NRK: variants seen among roughly 807,000 people sequenced by gnomAD.
The protein encoded by NRK is nik-related protein kinase.
A neutral mutation model predicts 125.2 loss-of-function variants in NRK; 67 were observed. The observed-to-expected ratio is 0.54, with a 90% CI of 0.44 to 0.66. NRK has a LOEUF of 0.66. Ranked by LOEUF, NRK falls within the 30% of genes least tolerant of loss-of-function variation. NRK has a pLI of 0.00. For synonymous variants in NRK, 458 were observed against 429.0 expected (o/e 1.07, Z -0.84); for missense variants, 1,224 against 1,192.9 (o/e 1.03, Z -0.38).
At position 105,942,036 on chromosome X, in the gene NRK, ATATAT is replaced by A. The variant is rs1333569513; in HGVS notation, c.3959-1901_3959-1897del. Among the ~76,000 whole-genome samples, 4 of 111,714 alleles carry A rather than the reference ATATAT, an allele frequency of 3.6e-5. No individual in the cohort carries two copies. The Admixed American group carries it at 3.8e-4, about 11-fold the overall frequency. ...CTGGACTATTACTATAAATGGAACC[ATATAT>A]TATGTTGTGTTTTATGACGGACTTT... On this transcript the variant is annotated intron_variant, in intron 23 of 28. Transcript: ENST00000243300.
Position 105,909,811 on chromosome X carries a change from A to G in NRK, c.2170A>G (p.Arg724Gly), listed in dbSNP as rs777950325. 6 of 1,181,971 alleles carry G rather than the reference A, an allele frequency of 5.1e-6. No individual in the cohort carries two copies. The highest frequency in any genetic ancestry group is 2.4e-5 in the Admixed American group (1 of 41,989). The change falls in exon 13 of 29, where the codon AGG becomes GGG. Residue 724 changes from arginine (R) to glycine (G), a missense_variant. By Grantham distance (125) the Arg-to-Gly change is moderately radical. Transcript: ENST00000243300. ...TGAACTCTCGGATTTAGAAGCCCGC[A>G]GGCAAAGGCGCCAACGCAGATGGGA... is the stretch of plus-strand genomic sequence containing the variant. ...KLELSDLEARRQRRQRRWEDI... is the reference protein window; with the variant it reads ...KLELSDLEARGQRRQRRWEDI...
chrX:105,880,775 A>G (rs1948969313), intron 3 of NRK, among the ~76,000 whole-genome samples: 1 of 111,888 alleles, frequency 8.9e-6, no homozygotes, highest in South Asian at 3.6e-4. Flanking sequence ...GTTCCTGGTA[A>G]CATTCATAAA....
intron 9 of NRK, among the ~76,000 whole-genome samples, chrX:105,904,628 G>T (rs924763225): frequency 9.0e-6 from 1 of 111,701 alleles, no homozygotes; most frequent in African/African-American, 3.2e-5. Flanking sequence ...TCTTTGAAGG[G>T]ATTCCTCCTG....
chrX:105,829,560 C>A (rs2039159402), intron 1 of NRK, among the ~76,000 whole-genome samples: 1 of 111,574 alleles, frequency 9.0e-6, no homozygotes, highest in Non-Finnish European at 1.9e-5. Context: ...ACTAAAAGTT[C>A]AAACAGTGAT....
At position 105,957,012 on chromosome X, in the gene NRK, A is replaced by C. The variant is rs1310621316; in HGVS notation, c.*1412A>C. ...AATTTTCAAACTACCTGGTTAACCA[A>C]AATACAAAAGCAGCTGACTATGTGT... On this transcript the variant is annotated 3_prime_UTR_variant, in exon 29 of 29. Transcript: ENST00000243300. 8.9e-6 allele frequency: 1 copy of C among 112,528 alleles called. No individual in the cohort carries two copies. Among genetic ancestry groups the C allele is most frequent in the Admixed American group, 9.5e-5 (1 of 10,558 alleles). The allele number at this position is 112,528 out of a possible 1,213,427, so 9.3% of individuals were successfully genotyped here.
Position 105,955,630 on chromosome X carries a change from A to C in NRK, c.*30A>C. On this transcript the variant is annotated 3_prime_UTR_variant, in exon 29 of 29. Coordinates refer to ENST00000243300, the MANE Select transcript of NRK (RefSeq NM_198465.4). The stretch of plus-strand genomic sequence containing the variant: ...TTCCAGTGATTTATTACCACATTAT[A>C]AACATCATGTATAGGCAGTCTGCAT... The C allele has an allele frequency of 1.3e-6, 1 of 761,987 alleles. No homozygotes were observed. The allele number at this position is 761,987 out of a possible 1,213,427, so 62.8% of individuals were successfully genotyped here.
intron 2 of NRK, among the ~76,000 whole-genome samples, chrX:105,834,477 A>G (rs2039236688): frequency 9.1e-6 from 1 of 109,406 alleles, no homozygotes; most frequent in Non-Finnish European, 1.9e-5. Context: ...GTGTGTTGAA[A>G]GGATATTTAT....
chrX:105,877,589 G>A (rs964826147), intron 2 of NRK, among the ~76,000 whole-genome samples: 2 of 110,139 alleles, frequency 1.8e-5, no homozygotes, highest in African/African-American at 6.6e-5. Flanking sequence ...AAGGTACAGG[G>A]GGAACTCTTC....
At chrX:105,906,913 C>G (rs367899241) in intron 11 of NRK, among the ~76,000 whole-genome samples, 6 of 108,634 alleles carry the variant, frequency 5.5e-5, no homozygotes, top group African/African-American at 2.0e-4. Context: ...AAGTAACTAA[C>G]TAAATAAAAT....
At chrX:105,826,351 A>G (rs1346160947) in intron 1 of NRK, among the ~76,000 whole-genome samples, 1 of 86,377 alleles carries the variant, frequency 1.2e-5, no homozygotes, top group Admixed American at 1.5e-4. Context: ...TATAGTATAT[A>G]CATTATATAT....
chrX:105,934,210 C>A, intron 19 of NRK, 48 bp from the exon 20 acceptor site: 1 of 856,632 alleles, frequency 1.2e-6, no homozygotes, highest in Non-Finnish European at 1.6e-6. Flanking sequence ...ATTTCTCCCA[C>A]TGTTAACCTA....
At chrX:105,947,350 G>A (rs2040828039) in intron 26 of NRK, among the ~76,000 whole-genome samples, 1 of 72,736 alleles carries the variant, frequency 1.4e-5, no homozygotes, top group Non-Finnish European at 2.4e-5. Context: ...GGCTGAGGCA[G>A]GAGAATGGCG....
At chrX:105,833,300 T>C (rs1490192170) in intron 2 of NRK, among the ~76,000 whole-genome samples, 1 of 111,858 alleles carries the variant, frequency 8.9e-6, no homozygotes, top group Non-Finnish European at 1.9e-5. Context: ...TGAATGATTA[T>C]TTAATATTTG....
At chrX:105,930,954 C>T (rs1240166931) in intron 19 of NRK, among the ~76,000 whole-genome samples, 1 of 111,874 alleles carries the variant, frequency 8.9e-6, no homozygotes, top group African/African-American at 3.3e-5. Flanking sequence ...AGTGCACATG[C>T]GGTGGGTTGG....
At chrX:105,873,557 TAAAA>T (rs1355072318) in intron 2 of NRK, among the ~76,000 whole-genome samples, 2 of 111,829 alleles carry the variant, frequency 1.8e-5, no homozygotes, top group Non-Finnish European at 3.8e-5. Context: ...AGATTTTATT[TAAAA>T]AAATTTTACA....
In NRK at chrX:105,909,191, C is replaced by G; in HGVS notation, c.1550C>G (p.Pro517Arg). The G allele has an allele frequency of 8.3e-7, 1 of 1,210,661 alleles. No homozygotes were observed. Among genetic ancestry groups the G allele is most frequent in the Non-Finnish European group, 1.1e-6 (1 of 894,991 alleles). Residue 517 changes from proline (P) to arginine (R), a missense_variant, in exon 13 of 29, where the codon CCA becomes CGA. Pro to Arg is a moderately radical substitution (Grantham distance 103, BLOSUM62 -2). Transcript: ENST00000243300. ...TSEPQDLDQVPEEFQGQDQVP... is the reference protein window; with the variant it reads ...TSEPQDLDQVREEFQGQDQVP... ...GAACCACAAGATTTGGACCAGGTACCAGAGGAATTTCAGGGTCAAGATCAG... is the reference window on the plus strand; with the variant it reads ...GAACCACAAGATTTGGACCAGGTACGAGAGGAATTTCAGGGTCAAGATCAG...
At chrX:105,886,034 T>A (rs1416114517) in intron 4 of NRK, among the ~76,000 whole-genome samples, 1 of 110,569 alleles carries the variant, frequency 9.0e-6, no homozygotes, top group Non-Finnish European at 1.9e-5. Context: ...TAGGTGTTTT[T>A]TTCTGACTGA....
intron 19 of NRK, among the ~76,000 whole-genome samples, chrX:105,931,144 C>T (rs748095186): frequency 2.7e-5 from 3 of 112,590 alleles, no homozygotes; most frequent in Non-Finnish European, 5.6e-5. Context: ...GAGTTGGCTT[C>T]GCCAATGTGC....
intron 16 of NRK, among the ~76,000 whole-genome samples, chrX:105,920,488 A>G (rs1397910954): frequency 3.8e-5 from 4 of 106,344 alleles, no homozygotes; most frequent in Non-Finnish European, 7.7e-5. Flanking sequence ...CTTGGGCAGT[A>G]TGGCCATTTT....
Sources: allele counts gnomAD v4.1 joint callset (sites outside exome capture counted in the v4.1 genomes callset), GRCh38; gene constraint gnomAD v4.1.1; transcripts MANE v1.5; gene names NCBI Gene and HGNC (gene_info 2026-07-23, HGNC 2026-07-21).